Variants in EXPH5 observed in about 807,000 individuals in gnomAD.
EXPH5 encodes exophilin 5, also known as exophilin-5.
A neutral mutation model predicts 41.1 loss-of-function variants in EXPH5; 42 were observed. The observed-to-expected ratio is 1.02, with a 90% CI of 0.80 to 1.32. EXPH5 has a LOEUF of 1.32. EXPH5 is among the 40% of genes most tolerant of loss of function. The pLI is 0.00. For missense variants in EXPH5, 2,298 were observed against 2,314.5 expected, an observed-to-expected ratio of 0.99 and a Z score of 0.15; for synonymous variants, 798 against 833.5, an observed-to-expected ratio of 0.96 and a Z score of 0.73.
In EXPH5 at chr11:108,512,547, C is replaced by A; in HGVS notation, c.2960G>T (p.Ser987Ile). The part of the protein sequence containing the change: ...RHHISCIEKL[S>I]KTESISVPTS... ...GGGTACTGATATACTTTCTGTTTTG[C>A]TTAACTTTTCAATACAGGATATATG... Residue 987 changes from serine to isoleucine, a missense_variant, in exon 6 of 6, where the codon AGC (serine) becomes ATC (isoleucine). Transcript: ENST00000265843. The A allele has an allele frequency of 6.2e-7, 1 of 1,612,100 alleles. No individual in the cohort carries two copies.
At chr11:108,562,549 C>T (rs2136082411) in intron 1 of EXPH5, among the ~76,000 whole-genome samples, 1 of 152,170 alleles carries the variant, frequency 6.6e-6, no homozygotes, top group Admixed American at 6.5e-5. Context: ...GGAGAGGTTG[C>T]AGTGAGCTGA....
the EXPH5 span, among the ~76,000 whole-genome samples, chr11:108,604,152 A>C: frequency 1.3e-4 from 20 of 148,224 alleles, 1 homozygote; most frequent in South Asian, 4.2e-3. Flanking sequence ...AATCTTTGAG[A>C]GGCTCAGGTG....
Position 108,541,710 on chromosome 11 carries a change from A to G in EXPH5, c.222T>C (p.Val74=). Residue 74 remains valine (V), a synonymous_variant, in exon 2 of 6, where the codon GTT becomes GTC. Transcript: ENST00000265843. ...QRKKFCNETD[V]SQMLKQPLTY... Reference sequence around the variant, plus strand: ...TAAGTGGTTGTTTTAACATTTGGCTAACATCTGTTTCATTGCAAAACTTTT... The same window carrying G: ...TAAGTGGTTGTTTTAACATTTGGCTGACATCTGTTTCATTGCAAAACTTTT... The G allele has an allele frequency of 6.2e-7, 1 of 1,613,104 alleles. No individual in the cohort carries two copies. Among genetic ancestry groups the G allele is most frequent in the Middle Eastern group, 1.7e-4 (1 of 6,056 alleles).
chr11:108,544,106 G>A (rs571547052), intron 1 of EXPH5, among the ~76,000 whole-genome samples: 1 of 152,252 alleles, frequency 6.6e-6, no homozygotes, highest in South Asian at 2.1e-4. Context: ...CAAGCTACTT[G>A]ACTTAGAAGT....
rs1350559495 is a variant in EXPH5 at position 108,513,170 on chromosome 11, G to A, written c.2337C>T (p.Ser779=). The change falls in exon 6 of 6, where the codon TCC becomes TCT. Residue 779 remains serine, a synonymous_variant. Coordinates refer to ENST00000265843, the MANE Select transcript of EXPH5 (RefSeq NM_015065.3). ...TATCTGTGTGCGGTATATACATTTTGGAGGTATCTTTCCTGGAAAAGACTC... is the reference window on the plus strand; with the variant it reads ...TATCTGTGTGCGGTATATACATTTTAGAGGTATCTTTCCTGGAAAAGACTC... ...SPRVFSRKDT[S]KMYIPHTDKS... 2 of 1,614,016 alleles carry A rather than the reference G, an allele frequency of 1.2e-6. No individual in the cohort carries two copies. The highest frequency in any genetic ancestry group is 1.7e-6 in the Non-Finnish European group (2 of 1,180,008).
intron 4 of EXPH5, among the ~76,000 whole-genome samples, chr11:108,524,059 A>ATG (rs2093782090): frequency 7.4e-6 from 1 of 135,004 alleles, no homozygotes. Flanking sequence ...TGACTTTGGG[A>ATG]TTACTAATAT....
At chr11:108,524,864 T>A (rs2093787671) in intron 4 of EXPH5, among the ~76,000 whole-genome samples, 1 of 152,234 alleles carries the variant, frequency 6.6e-6, no homozygotes, top group Admixed American at 6.5e-5. Context: ...TACTGAGTGT[T>A]CAGTTTGTGC....
Position 108,514,710 on chromosome 11 carries a change from G to A in EXPH5, c.797C>T (p.Thr266Ile), listed in dbSNP as rs1269508316. 1.2e-6 allele frequency: 2 copies of A among 1,607,108 alleles called. No individual in the cohort carries two copies. The highest frequency in any genetic ancestry group is 2.2e-5 in the South Asian group (2 of 89,220). Residue 266 changes from threonine to isoleucine, a missense_variant, in exon 6 of 6, where the codon ACT becomes ATT. Coordinates refer to ENST00000265843, the MANE Select transcript of EXPH5 (RefSeq NM_015065.3). ...TERHKKHYNE[T>I]SNMSIYDILR... ...GATGTCATAGATAGACATATTGGAA[G>A]TTTCATTATAGTGTTTTTTGTGCCT... is the stretch of plus-strand genomic sequence containing the variant.
intron 4 of EXPH5, among the ~76,000 whole-genome samples, chr11:108,525,547 G>A (rs888935099): frequency 2.6e-4 from 39 of 152,190 alleles, no homozygotes; most frequent in Non-Finnish European, 5.0e-4. Flanking sequence ...ATTTCTATGT[G>A]TCTTTTGCTT....
intron 2 of EXPH5, among the ~76,000 whole-genome samples, chr11:108,539,480 C>T (rs1317245522): frequency 6.6e-6 from 1 of 152,114 alleles, no homozygotes; most frequent in Non-Finnish European, 1.5e-5. Flanking sequence ...AAATCAGGGA[C>T]CCCATTCAAT....
intron 1 of EXPH5, among the ~76,000 whole-genome samples, chr11:108,586,902 C>T (rs113187846): frequency 0.039 from 5,918 of 151,866 alleles, 124 homozygotes; most frequent in Middle Eastern, 0.048. Flanking sequence ...AATAAGGAAA[C>T]ATCCTGAGAA....
chr11:108,558,486 A>G (rs1460713111), intron 1 of EXPH5, among the ~76,000 whole-genome samples: 1 of 152,126 alleles, frequency 6.6e-6, no homozygotes, highest in African/African-American at 2.4e-5. Context: ...TTTAGCTCAG[A>G]TCTCATGGTT....
At chr11:108,604,121 G>C in the EXPH5 span, among the ~76,000 whole-genome samples, 640 of 151,810 alleles carry the variant, frequency 4.2e-3, 3 homozygotes, top group African/African-American at 0.015. Flanking sequence ...GAATAGGCCG[G>C]GTGCAGAGGC....
chr11:108,510,901 C>T lies in EXPH5; in HGVS notation c.4606G>A (p.Glu1536Lys). ...CTTCTTTGAGGTAATTCTCTTGGTT[C>T]AGACTGCAGACTCTCTAAGTTTGGT... ...DEPNLESLQS[E>K]PRELPQRSQE... The change falls in exon 6 of 6, where the codon GAA becomes AAA. Residue 1536 changes from glutamate to lysine, a missense_variant. Glu to Lys is a moderately conservative substitution (Grantham distance 56). Coordinates refer to ENST00000265843, the MANE Select transcript of EXPH5 (RefSeq NM_015065.3). 1.9e-6 allele frequency: 3 copies of T among 1,614,214 alleles called. No individual in the cohort carries two copies. The highest frequency in any genetic ancestry group is 2.5e-6 in the Non-Finnish European group (3 of 1,180,040).
chr11:108,514,521 G>A lies in EXPH5; in HGVS notation c.986C>T (p.Ser329Leu), dbSNP rs1227734798. The A allele has an allele frequency of 1.2e-5, 19 of 1,612,678 alleles. No homozygotes were observed. Among genetic ancestry groups the A allele is most frequent in the South Asian group, 2.2e-5 (2 of 90,712 alleles). ...GAAATGCCCTGTGGCTGGTAAGGCC[G>A]ACCGTTGCCTGCTGTCAAAACACAG... Reference protein sequence around the residue: ...TSLCFDSRQRSALPATGHFTA... With the variant: ...TSLCFDSRQRLALPATGHFTA... The change falls in exon 6 of 6, where the codon TCG becomes TTG. Residue 329 changes from serine (S) to leucine (L), a missense_variant. Physicochemically the swap from Ser to Leu is moderately radical, Grantham distance 145. Coordinates refer to ENST00000265843, the MANE Select transcript of EXPH5 (RefSeq NM_015065.3).
Position 108,512,991 on chromosome 11 carries a change from T to A in EXPH5, c.2516A>T (p.Asp839Val). The change falls in exon 6 of 6, where the codon GAT becomes GTT. Residue 839 changes from aspartate to valine, a missense_variant. Coordinates refer to ENST00000265843, the MANE Select transcript of EXPH5 (RefSeq NM_015065.3). ...GTTATTTGTAATAATTCTTGAAATA[T>A]CTTCATTATTTACAGTTAATTCCTG... The part of the protein sequence containing the change: ...CHQELTVNNE[D>V]ISRIITNNHW... 1 of 1,613,716 alleles carries A rather than the reference T, an allele frequency of 6.2e-7. No homozygotes were observed. The highest frequency in any genetic ancestry group is 1.7e-5 in the Admixed American group (1 of 60,000).
chr11:108,574,206 A>G (rs1334956114), intron 1 of EXPH5, among the ~76,000 whole-genome samples: 1 of 151,672 alleles, frequency 6.6e-6, no homozygotes, highest in Non-Finnish European at 1.5e-5. Flanking sequence ...ACCGCGCCCA[A>G]CCTACAAAAA....
At chr11:108,531,581 C>G (rs1330701698) in intron 3 of EXPH5, among the ~76,000 whole-genome samples, 2 of 152,134 alleles carry the variant, frequency 1.3e-5, no homozygotes, top group South Asian at 2.1e-4. Context: ...AAATTAATTC[C>G]ACCTCCATTA....
At chr11:108,555,913 C>T (rs1386010298) in intron 1 of EXPH5, among the ~76,000 whole-genome samples, 2 of 152,178 alleles carry the variant, frequency 1.3e-5, no homozygotes, top group Non-Finnish European at 2.9e-5. Context: ...CTCAGGTATG[C>T]TTTCATAGCA....
Sources: gnomAD v4.1 joint callset for allele counts (sites outside exome capture counted in the v4.1 genomes callset) on GRCh38, gnomAD v4.1.1 for gene constraint, MANE v1.5 for transcripts, NCBI Gene and HGNC (gene_info 2026-07-23, HGNC 2026-07-21) for gene names.